Variants in MYO16 observed in about 807,000 individuals in gnomAD.
MYO16 encodes the protein unconventional myosin-XVI.
MYO16 carries 94 observed loss-of-function variants against 205.3 expected under a neutral mutation model. That is an observed-to-expected ratio of 0.46 (90% CI 0.39 to 0.54). MYO16 has a LOEUF of 0.54. Among genes scored for constraint, MYO16 ranks in the 20% least tolerant of loss-of-function variants. The pLI is 0.00. For missense variants in MYO16, 2,315 were observed against 2,387.5 expected (o/e 0.97, Z 0.63); for synonymous variants, 988 against 954.0 (o/e 1.04, Z -0.66).
At chr13:108,872,806 G>A (rs1879132871) in intron 12 of MYO16, among the ~76,000 whole-genome samples, 1 of 151,946 alleles carries the variant, frequency 6.6e-6, no homozygotes, top group African/African-American at 2.4e-5. Flanking sequence ...AATATATCAG[G>A]TAAAAGATGC....
At chr13:108,725,754 TCTGTGCAG>T (rs1345970874) in intron 3 of MYO16, among the ~76,000 whole-genome samples, 1 of 152,164 alleles carries the variant, frequency 6.6e-6, no homozygotes, top group East Asian at 1.9e-4. Context: ...AAAGTTTTTC[TCTGTGCAG>T]CTTTGTCCTC....
intron 9 of MYO16, among the ~76,000 whole-genome samples, chr13:108,832,104 A>T (rs2139043164): frequency 6.7e-6 from 1 of 149,892 alleles, no homozygotes; most frequent in South Asian, 2.1e-4. Context: ...TGGAAATGAT[A>T]CTACTTTGAC....
At chr13:108,661,597 T>G (rs769592662) in intron 1 of MYO16, among the ~76,000 whole-genome samples, 7 of 152,192 alleles carry the variant, frequency 4.6e-5, no homozygotes, top group Non-Finnish European at 8.8e-5. Context: ...CTGAGCATTT[T>G]GCATTTCTAA....
chr13:108,775,654 A>C (rs1183851061), intron 4 of MYO16, among the ~76,000 whole-genome samples: 2 of 152,090 alleles, frequency 1.3e-5, no homozygotes, highest in Non-Finnish European at 2.9e-5. Context: ...TTGCTTTGCA[A>C]CTCATCAGCT....
intron 20 of MYO16, among the ~76,000 whole-genome samples, chr13:108,970,843 TC>T (rs780415313): frequency 1.1e-3 from 166 of 152,308 alleles, no homozygotes; most frequent in Non-Finnish European, 2.0e-3. Flanking sequence ...CCCCACACTT[TC>T]CCAAGTGTGC....
At chr13:109,016,044 A>G (rs1885802584) in intron 22 of MYO16, among the ~76,000 whole-genome samples, 1 of 151,916 alleles carries the variant, frequency 6.6e-6, no homozygotes, top group Non-Finnish European at 1.5e-5. Context: ...AGTTCTTTTC[A>G]TTATGATGTT....
At chr13:109,058,068 G>C (rs1887471062) in intron 27 of MYO16, among the ~76,000 whole-genome samples, 1 of 152,120 alleles carries the variant, frequency 6.6e-6, no homozygotes, top group Non-Finnish European at 1.5e-5. Context: ...CCCACCCCAA[G>C]TTCAGATTCA....
chr13:108,889,866 A>G (rs528981815), intron 14 of MYO16, among the ~76,000 whole-genome samples: 1 of 152,272 alleles, frequency 6.6e-6, no homozygotes, highest in African/African-American at 2.4e-5. Context: ...GACATGCCAC[A>G]GTGTACTGCA....
At chr13:108,836,994 T>TCTC (rs757460266) in intron 9 of MYO16, among the ~76,000 whole-genome samples, 2 of 152,156 alleles carry the variant, frequency 1.3e-5, no homozygotes, top group Non-Finnish European at 2.9e-5. Flanking sequence ...ATGTTTGAAA[T>TCTC]GTGAGAACAT....
chr13:108,769,432 T>C (rs1885889328), intron 4 of MYO16, among the ~76,000 whole-genome samples: 2 of 152,086 alleles, frequency 1.3e-5, no homozygotes, highest in African/African-American at 4.8e-5. Context: ...GAAGGCTGAA[T>C]CCACAGAGAC....
At chr13:108,591,316 C>A (rs1207399703), upstream of MYO16, among the ~76,000 whole-genome samples, 1 of 152,142 alleles carries the variant, frequency 6.6e-6, no homozygotes, top group Non-Finnish European at 1.5e-5. Context: ...TTCAGTCTCC[C>A]AGAAATGGAG....
At chr13:108,915,887 G>A (rs890390516) in intron 16 of MYO16, among the ~76,000 whole-genome samples, 7 of 152,112 alleles carry the variant, frequency 4.6e-5, no homozygotes, top group African/African-American at 9.7e-5. Context: ...CTGAGTCACC[G>A]CGCGCTTGAA....
At chr13:109,050,729 C>T (rs78807624) in intron 24 of MYO16, among the ~76,000 whole-genome samples, 5,261 of 152,230 alleles carry the variant, frequency 0.035, 131 homozygotes, top group South Asian at 0.056. Context: ...TATGAGTGTA[C>T]ACTCATGGAT....
At chr13:108,879,811 G>C (rs567999652) in intron 12 of MYO16, among the ~76,000 whole-genome samples, 2 of 152,092 alleles carry the variant, frequency 1.3e-5, no homozygotes, top group African/African-American at 4.8e-5. Flanking sequence ...GAGTAGTGCC[G>C]CAATAAACAT....
chr13:108,697,910 A>G (rs1594217623), intron 2 of MYO16, among the ~76,000 whole-genome samples: 1 of 152,080 alleles, frequency 6.6e-6, no homozygotes, highest in African/African-American at 2.4e-5. Context: ...TTTAGTACAA[A>G]CAGGGTTTTG....
intron 4 of MYO16, among the ~76,000 whole-genome samples, chr13:108,750,616 GAA>G (rs34552172): frequency 0.043 from 5,566 of 129,682 alleles, 323 homozygotes; most frequent in African/African-American, 0.14. Context: ...TAAAACTACA[GAA>G]AAAAAAAAAA....
At chr13:109,126,137 C>A (rs1329637027) in intron 30 of MYO16, among the ~76,000 whole-genome samples, 2 of 152,170 alleles carry the variant, frequency 1.3e-5, no homozygotes, top group Non-Finnish European at 2.9e-5. Context: ...TTTCCCATTT[C>A]TGCCGATGTC....
intron 22 of MYO16, among the ~76,000 whole-genome samples, chr13:109,010,912 G>A (rs1209803170): frequency 2.1e-5 from 3 of 144,932 alleles, no homozygotes; most frequent in African/African-American, 7.7e-5. Flanking sequence ...CACATAGACC[G>A]TTTTCTTCTA....
At chr13:108,567,807 C>A in the MYO16 span, among the ~76,000 whole-genome samples, 3 of 152,074 alleles carry the variant, frequency 2.0e-5, no homozygotes, top group African/African-American at 7.2e-5. Context: ...CCCCACTACC[C>A]ACCCCCCTGA....
Sources: allele counts gnomAD v4.1 joint callset (sites outside exome capture counted in the v4.1 genomes callset), GRCh38; gene constraint gnomAD v4.1.1; transcripts MANE v1.5; gene names NCBI Gene and HGNC (gene_info 2026-07-23, HGNC 2026-07-21).